Variants in NOX4 observed in about 807,000 individuals in gnomAD.
The protein encoded by NOX4 is kidney oxidase-1.
In NOX4, 69 loss-of-function variants were observed where a neutral mutation model predicts 87.6. The observed-to-expected ratio is 0.79, with a 90% CI of 0.65 to 0.96. The LOEUF (loss-of-function observed/expected upper bound fraction) is 0.96. Ranked by LOEUF, NOX4 falls within the 40% of genes least tolerant of loss-of-function variation. NOX4 has a pLI of 0.00. For synonymous variants in NOX4, 275 were observed against 238.2 expected (o/e 1.15, Z -1.42); for missense variants, 680 against 681.5 (o/e 1.00, Z 0.02).
the NOX4 span, among the ~76,000 whole-genome samples, chr11:89,519,926 C>G: frequency 6.6e-6 from 1 of 151,944 alleles, no homozygotes; most frequent in Admixed American, 6.6e-5. Context: ...GATAAGAAAG[C>G]ATCATTCTCT....
At chr11:89,447,581 A>T (rs1168537010) in intron 4 of NOX4, among the ~76,000 whole-genome samples, 1 of 152,210 alleles carries the variant, frequency 6.6e-6, no homozygotes, top group Non-Finnish European at 1.5e-5. Flanking sequence ...AAGTTAAAGA[A>T]GGGTAATGTA....
the NOX4 span, among the ~76,000 whole-genome samples, chr11:89,570,296 T>C: frequency 6.6e-6 from 1 of 152,158 alleles, no homozygotes; most frequent in Admixed American, 6.5e-5. Flanking sequence ...AAGTGGGAGC[T>C]AAATATTGAG....
intron 2 of NOX4, among the ~76,000 whole-genome samples, chr11:89,486,464 A>ATG (rs4002196): frequency 0.18 from 25,389 of 141,294 alleles, 2,749 homozygotes; most frequent in African/African-American, 0.3. Flanking sequence ...CAGCTAATAT[A>ATG]TGTGTGTGTG....
chr11:89,464,428 G>C (rs1477075119), intron 2 of NOX4, among the ~76,000 whole-genome samples: 1 of 152,126 alleles, frequency 6.6e-6, no homozygotes, highest in Middle Eastern at 3.2e-3. Flanking sequence ...GAGGAAAATG[G>C]AGACGGACCC....
chr11:89,507,197 A>C, the NOX4 span, among the ~76,000 whole-genome samples: 1 of 151,828 alleles, frequency 6.6e-6, no homozygotes, highest in African/African-American at 2.4e-5. Flanking sequence ...AAGATTGAGG[A>C]ATCGTTTAGT....
In NOX4 at chr11:89,326,751, AG is replaced by A. The variant is rs1320306312; in HGVS notation, c.*4del. On this transcript the variant is annotated 3_prime_UTR_variant, in exon 18 of 18. Coordinates refer to ENST00000263317, the MANE Select transcript of NOX4 (RefSeq NM_016931.5). ...CTTTAGAGTCCTGCTTCATGGCAAA[AG>A]TTTTCAGCTGAAAGACTCTTTATTG... The A allele has an allele frequency of 1.9e-6, 3 of 1,611,668 alleles. No individual in the cohort carries two copies. The South Asian group carries it at 3.3e-5, about 18-fold the overall frequency.
upstream of NOX4, among the ~76,000 whole-genome samples, chr11:89,502,677 C>T (rs1047787078): frequency 6.6e-6 from 1 of 151,960 alleles, no homozygotes; most frequent in Non-Finnish European, 1.5e-5. Flanking sequence ...AATTGAATTA[C>T]AACAATATGA....
upstream of NOX4, chr11:89,498,218 T>C (rs1365373041): frequency 6.6e-6 from 1 of 152,218 alleles, no homozygotes; most frequent in Non-Finnish European, 1.5e-5. Context: ...TGTTGTTGTT[T>C]AATGTATTTT....
chr11:89,545,841 C>A, the NOX4 span: 3 of 152,078 alleles, frequency 2.0e-5, no homozygotes, highest in Non-Finnish European at 4.4e-5. Flanking sequence ...AGAGACTTGA[C>A]GACAGTCCTC....
At chr11:89,359,152 C>T (rs1938316732) in intron 12 of NOX4, among the ~76,000 whole-genome samples, 1 of 152,040 alleles carries the variant, frequency 6.6e-6, no homozygotes, top group Admixed American at 6.6e-5. Context: ...TATTAATTTG[C>T]ATTCTCTGGT....
At chr11:89,397,942 G>A (rs1415919458) in intron 11 of NOX4, among the ~76,000 whole-genome samples, 2 of 151,992 alleles carry the variant, frequency 1.3e-5, no homozygotes, top group African/African-American at 4.8e-5. Flanking sequence ...TAGAAAAAGA[G>A]GGAATCCTCC....
intron 2 of NOX4, among the ~76,000 whole-genome samples, chr11:89,483,832 C>T (rs1255992401): frequency 2.2e-4 from 34 of 152,068 alleles, no homozygotes; most frequent in Admixed American, 2.2e-3. Flanking sequence ...ACAATATACA[C>T]ATATTTCAAA....
chr11:89,452,682 AT>A (rs1827145595), intron 2 of NOX4, among the ~76,000 whole-genome samples: 1 of 152,084 alleles, frequency 6.6e-6, no homozygotes, highest in African/African-American at 2.4e-5. Flanking sequence ...CAAAACACTT[AT>A]CATTTCTTTG....
the NOX4 span, among the ~76,000 whole-genome samples, chr11:89,506,642 A>G: frequency 2.0e-5 from 3 of 151,830 alleles, no homozygotes; most frequent in Non-Finnish European, 4.4e-5. Flanking sequence ...GAGAATAAAA[A>G]CAGAAGCCAC....
the NOX4 span, among the ~76,000 whole-genome samples, chr11:89,544,408 T>TC: frequency 6.6e-6 from 1 of 152,152 alleles, no homozygotes; most frequent in South Asian, 2.1e-4. Context: ...AATTAAATCA[T>TC]CTTCTGAAGT....
chr11:89,451,927 T>A, intron 2 of NOX4, 32 bp from the exon 3 acceptor site: 1 of 1,450,396 alleles, frequency 6.9e-7, no homozygotes, highest in South Asian at 1.1e-5. Flanking sequence ...AGCACACAGT[T>A]AAGGACAGTA....
rs1554996637 is a variant in NOX4 at position 89,356,436 on chromosome 11, A to AAG, written c.1136-1394_1136-1393insCT. Reference sequence around the variant, plus strand: ...GAGGGGAAGAGGAAGGGGGAAAAAAAAAGGACAAAGGAAAAAATCCTAGAT... The same window carrying AAG: ...GAGGGGAAGAGGAAGGGGGAAAAAAAAGAAGGACAAAGGAAAAAATCCTAGAT... On this transcript the variant is annotated intron_variant, in intron 12 of 17. Transcript: ENST00000263317. Among the ~76,000 whole-genome samples the AAG allele has an allele frequency of 3.1e-3, 468 of 150,836 alleles. 1 individual carries two copies. The highest frequency in any genetic ancestry group is 5.8e-3 in the Admixed American group (88 of 15,148).
At chr11:89,446,939 G>C (rs1216858082) in intron 4 of NOX4, among the ~76,000 whole-genome samples, 1 of 152,112 alleles carries the variant, frequency 6.6e-6, no homozygotes, top group African/African-American at 2.4e-5. Context: ...TCTGGCAGGG[G>C]ATGTTGATAA....
At chr11:89,532,383 C>T in the NOX4 span, among the ~76,000 whole-genome samples, 2 of 152,140 alleles carry the variant, frequency 1.3e-5, no homozygotes, top group Admixed American at 1.3e-4. Context: ...TCAAAGGAGA[C>T]TATTTTGGAG....
Sources: gnomAD v4.1 joint callset for allele counts (sites outside exome capture counted in the v4.1 genomes callset) on GRCh38, gnomAD v4.1.1 for gene constraint, MANE v1.5 for transcripts, NCBI Gene and HGNC (gene_info 2026-07-23, HGNC 2026-07-21) for gene names.